The following ZNF311 variants were observed in gnomAD, a reference collection of about 807,000 sequenced individuals.
ZNF311 encodes the protein zinc finger protein zfp31.
A neutral mutation model predicts 22.7 loss-of-function variants in ZNF311; 14 were observed. The observed-to-expected ratio is 0.62, with a 90% CI of 0.41 to 0.96. The LOEUF (loss-of-function observed/expected upper bound fraction) is 0.96, where lower values mean the gene tolerates loss of function less well. ZNF311 is among the 40% of genes least tolerant of loss of function. ZNF311 has a pLI of 0.00. For missense variants in ZNF311, 731 were observed against 799.0 expected, an observed-to-expected ratio of 0.91 and a Z score of 1.03; for synonymous variants, 250 against 275.3, an observed-to-expected ratio of 0.91 and a Z score of 0.91.
At position 28,999,436 on chromosome 6, in the gene ZNF311, A is replaced by C. The variant is rs541836743; in HGVS notation, c.310+51T>G. The C allele has an allele frequency of 2.0e-6, 3 of 1,495,708 alleles. No individual in the cohort carries two copies. The South Asian group carries it at 4.3e-5, about 21-fold the overall frequency. 92.7% of individuals were successfully genotyped at this position (1,495,708 alleles called of 1,614,324 possible). Reference sequence around the variant, plus strand: ...ATATACATCAATAAATAAATCAATTAAATAATAAAAAAAGAAGGTAGAAAG... The same window carrying C: ...ATATACATCAATAAATAAATCAATTCAATAATAAAAAAAGAAGGTAGAAAG... On this transcript the variant is annotated intron_variant, in intron 5 of 6. Coordinates refer to ENST00000377179, the MANE Select transcript of ZNF311 (RefSeq NM_001382360.1).
At position 29,003,524 on chromosome 6, in the gene ZNF311, G is replaced by A. The variant is rs753169933; in HGVS notation, c.80C>T (p.Pro27Leu). 2 of 1,613,034 alleles carry A rather than the reference G, an allele frequency of 1.2e-6. No homozygotes were observed. Among genetic ancestry groups the A allele is most frequent in the Non-Finnish European group, 8.5e-7 (1 of 1,180,030 alleles). ...CCTGTGTATCTCACCGCTTTCCTGA[G>A]GGAGCTGGGTATCCTGGCGGGTCCA... ...LLWTRQDTQLPQESALLPAPY... is the reference protein window; with the variant it reads ...LLWTRQDTQLLQESALLPAPY... Residue 27 changes from proline (P) to leucine (L), a missense_variant, in exon 3 of 7, where the codon CCT (proline) becomes CTT (leucine). By Grantham distance (98) the Pro-to-Leu change is moderately conservative (BLOSUM62 -3). Transcript: ENST00000377179.
rs372558075 is a variant in ZNF311, at chr6:28,999,996, T to C, written c.143A>G (p.Asn48Ser). Reference sequence around the variant, plus strand: ...TAGTGTGATATCTGCTTGCGGCAGGTTTCCTTGGCTTCCATCTTTAGTGAA... The same window carrying C: ...TAGTGTGATATCTGCTTGCGGCAGGCTTCCTTGGCTTCCATCTTTAGTGAA... ...PAFTKDGSQG[N>S]LPQADITLMS... The change falls in exon 4 of 7, where the codon AAC (asparagine) becomes AGC (serine). Residue 48 changes from asparagine (N) to serine (S), a missense_variant. Physicochemically the swap from Asn to Ser is conservative, Grantham distance 46. Transcript: ENST00000377179. The C allele has an allele frequency of 4.3e-6, 7 of 1,611,136 alleles. No individual in the cohort carries two copies. The African/African-American group carries it at 8.0e-5, about 18-fold the overall frequency.
chr6:29,005,178 A>G lies in ZNF311; in HGVS notation c.-431T>C, dbSNP rs907295058. The G allele has an allele frequency of 3.3e-5, 5 of 152,162 alleles. No individual in the cohort carries two copies. The highest frequency in any genetic ancestry group is 2.6e-4 in the Admixed American group (4 of 15,270). The allele number at this position is 152,162 out of a possible 1,614,324, so 9.4% of individuals were successfully genotyped here. A position where few individuals can be genotyped will look rare whatever the true frequency, so the allele number is the denominator to read the frequency against. On this transcript the variant is annotated 5_prime_UTR_variant, in exon 1 of 7. Transcript: ENST00000377179. ...TTTTTGTCGTCTTGTTCACAGTTGT[A>G]TTCTCAACGCCTAAAACAGCGCTTG...
At chr6:29,004,598 ATC>A (rs1780927537) in intron 1 of ZNF311, among the ~76,000 whole-genome samples, 3 of 152,052 alleles carry the variant, frequency 2.0e-5, no homozygotes, top group Non-Finnish European at 4.4e-5. Flanking sequence ...GGATCATTTC[ATC>A]GCTCTGCTGA....
intron 6 of ZNF311, among the ~76,000 whole-genome samples, chr6:28,997,010 C>T (rs1373531639): frequency 6.6e-6 from 1 of 152,168 alleles, no homozygotes; most frequent in African/African-American, 2.4e-5. Flanking sequence ...AGGGTGGGCC[C>T]TGGAGAGCCA....
chr6:28,997,164 G>C (rs1324342626), intron 6 of ZNF311, among the ~76,000 whole-genome samples: 1 of 152,232 alleles, frequency 6.6e-6, no homozygotes, highest in Non-Finnish European at 1.5e-5. Flanking sequence ...GAGTAGCTCA[G>C]TCTTTAGCAC....
At chr6:28,998,331 C>G (rs1053507007) in intron 6 of ZNF311, among the ~76,000 whole-genome samples, 2 of 151,896 alleles carry the variant, frequency 1.3e-5, no homozygotes, top group Non-Finnish European at 2.9e-5. Context: ...CACCACCACA[C>G]CCAGCATGCA....
At chr6:29,005,470 C>A (rs1781070530), upstream of ZNF311, among the ~76,000 whole-genome samples, 1 of 152,048 alleles carries the variant, frequency 6.6e-6, no homozygotes, top group South Asian at 2.1e-4. Flanking sequence ...GCCTGCAACC[C>A]CAGGGGCCCG....
At chr6:28,999,859 T>C (rs1309591815) in intron 4 of ZNF311, 97 bp downstream of exon 4, 13 of 1,358,112 alleles carry the variant, frequency 9.6e-6, no homozygotes, top group Non-Finnish European at 1.3e-5. Context: ...AGAACATTGA[T>C]TTAGGAGTTG....
Position 28,995,511 on chromosome 6 carries a change from C to G in ZNF311, c.1491G>C (p.Lys497Asn). The G allele has an allele frequency of 6.2e-7, 1 of 1,613,900 alleles. No homozygotes were observed. The highest frequency in any genetic ancestry group is 8.5e-7 in the Non-Finnish European group (1 of 1,180,022). Residue 497 changes from lysine to asparagine, a missense_variant, in exon 7 of 7, where the codon AAG becomes AAC. Coordinates refer to ENST00000377179, the MANE Select transcript of ZNF311 (RefSeq NM_001382360.1). The surrounding 1 kb of genome is among the most constrained non-coding windows in gnomAD (Gnocchi z 4.7). ...TCCCACAATCCCTGCATTGATAGGG[C>G]TTCTCCCCTGTATGCTCTCGTTCAT... ...RAHEREHTGE[K>N]PYQCRDCGKT...
rs1237290164 is a variant in ZNF311 at position 28,995,641 on chromosome 6, A to G, written c.1361T>C (p.Ile454Thr). The G allele has an allele frequency of 6.2e-7, 1 of 1,613,364 alleles. No individual in the cohort carries two copies. The highest frequency in any genetic ancestry group is 1.1e-5 in the South Asian group (1 of 91,074). Residue 454 changes from isoleucine (I) to threonine (T), a missense_variant, in exon 7 of 7, where the codon ATC (isoleucine) becomes ACC (threonine). Physicochemically the swap from Ile to Thr is moderately conservative, Grantham distance 89. Transcript: ENST00000377179. This position sits in a 1 kb window ranked among gnomAD's most constrained non-coding sequence, Gnocchi z 4.7. The stretch of plus-strand genomic sequence containing the variant: ...TCTGTGTTTGGTGAGTTCTGCCTTG[A>G]TGCTGAAGTCTTTTCCACACTGGGG... ...GCPQCGKDFS[I>T]KAELTKHRRI...
At position 28,998,694 on chromosome 6, in the gene ZNF311, T is replaced by C. The variant is rs770107520; in HGVS notation, c.415+40A>G. The C allele has an allele frequency of 1.7e-5, 24 of 1,398,888 alleles. 1 individual carries two copies. Among genetic ancestry groups the C allele is most frequent in the Non-Finnish European group, 1.2e-5 (12 of 995,162 alleles). The allele number at this position is 1,398,888 out of a possible 1,614,324, so 86.7% of individuals were successfully genotyped here. On this transcript the variant is annotated intron_variant, in intron 6 of 6. Transcript: ENST00000377179. ...AATGTTCCATAACCATTATGCCACATGGAAGATCAGAGGGAACTGAAAGTT... is the reference window on the plus strand; with the variant it reads ...AATGTTCCATAACCATTATGCCACACGGAAGATCAGAGGGAACTGAAAGTT...
In ZNF311 at chr6:28,995,951, G is replaced by A; in HGVS notation, c.1051C>T (p.Leu351Phe). The change falls in exon 7 of 7, where the codon CTT becomes TTT. Residue 351 changes from leucine (L) to phenylalanine (F), a missense_variant. Physicochemically the swap from Leu to Phe is conservative, Grantham distance 22. Coordinates refer to ENST00000377179, the MANE Select transcript of ZNF311 (RefSeq NM_001382360.1). The surrounding 1 kb of genome is among the most constrained non-coding windows in gnomAD (Gnocchi z 4.7). ...KTRNRLCMHQLIHTGEKPYKC... is the reference protein window; with the variant it reads ...KTRNRLCMHQFIHTGEKPYKC... ...TAAGGCTTCTCCCCGGTGTGGATAA[G>A]CTGATGCATACAGAGACGGTTCCTG... 6.2e-7 allele frequency: 1 copy of A among 1,613,516 alleles called. No individual in the cohort carries two copies. The highest frequency in any genetic ancestry group is 8.5e-7 in the Non-Finnish European group (1 of 1,179,950).
At chr6:28,998,359 T>C (rs1779930372) in intron 6 of ZNF311, among the ~76,000 whole-genome samples, 1 of 151,868 alleles carries the variant, frequency 6.6e-6, no homozygotes, top group African/African-American at 2.4e-5. Flanking sequence ...ACCCAGCTAA[T>C]TTTTGTATTT....
At chr6:28,998,626 G>T in intron 6 of ZNF311, 108 bp downstream of exon 6, 1 of 695,484 alleles carries the variant, frequency 1.4e-6, no homozygotes, top group Non-Finnish European at 2.4e-6. Context: ...TTCCTAAATG[G>T]GTTTCCTTTC....
rs1779478703 is a variant in ZNF311 at position 28,995,901 on chromosome 6, G to A, written c.1101C>T (p.Ala367=). 1.2e-6 allele frequency: 2 copies of A among 1,613,912 alleles called. No individual in the cohort carries two copies. Among genetic ancestry groups the A allele is most frequent in the East Asian group, 2.2e-5 (1 of 44,884 alleles). Residue 367 remains alanine, a synonymous_variant, in exon 7 of 7, where the codon GCC becomes GCT. Coordinates refer to ENST00000377179, the MANE Select transcript of ZNF311 (RefSeq NM_001382360.1). This position sits in a 1 kb window ranked among gnomAD's most constrained non-coding sequence, Gnocchi z 4.7. ...KPYKCNCCGK[A]FQFKHSLTIH... ...TGGTAAGGGAATGCTTAAACTGGAA[G>A]GCCTTCCCACAGCAGTTACATTTGT...
At position 29,005,088 on chromosome 6, in the gene ZNF311, T is replaced by C. The variant is rs1319260463; in HGVS notation, c.-341A>G. 6.6e-6 allele frequency: 1 copy of C among 152,142 alleles called. No homozygotes were observed. Among genetic ancestry groups the C allele is most frequent in the Admixed American group, 6.5e-5 (1 of 15,272 alleles). The allele number at this position is 152,142 out of a possible 1,614,324, so 9.4% of individuals were successfully genotyped here. On this transcript the variant is annotated 5_prime_UTR_variant, in exon 1 of 7. Coordinates refer to ENST00000377179, the MANE Select transcript of ZNF311 (RefSeq NM_001382360.1). ...GGTGCATAAGTTACTTATTAATATA[T>C]ACATTGTTTACGGTGGTTCTACCTT...
At chr6:29,005,609 A>G (rs1781095378), upstream of ZNF311, among the ~76,000 whole-genome samples, 1 of 152,208 alleles carries the variant, frequency 6.6e-6, no homozygotes. Flanking sequence ...AAACAGAAAT[A>G]TACAGAAGCT....
intron 6 of ZNF311, among the ~76,000 whole-genome samples, chr6:28,997,767 A>C (rs1048074260): frequency 3.3e-5 from 5 of 152,216 alleles, no homozygotes; most frequent in Non-Finnish European, 7.3e-5. Context: ...GACAGTTAAT[A>C]AATCTTAATA....
Sources: gnomAD v4.1 joint callset for allele counts (sites outside exome capture counted in the v4.1 genomes callset) on GRCh38, gnomAD v4.1.1 for gene constraint, Gnocchi (gnomAD v3.1) non-coding constraint, MANE v1.5 for transcripts, NCBI Gene and HGNC (gene_info 2026-07-23, HGNC 2026-07-21) for gene names.